PM20D2: variants seen among roughly 807,000 people sequenced by gnomAD.
The protein encoded by PM20D2 is xaa-Arg dipeptidase.
In PM20D2, 33 loss-of-function variants were observed where a neutral mutation model predicts 42.9. The observed-to-expected ratio is 0.77, with a 90% CI of 0.58 to 1.03. The LOEUF (loss-of-function observed/expected upper bound fraction) is 1.03. Among genes scored for constraint, PM20D2 ranks in the 50% least tolerant of loss-of-function variants. PM20D2 has a pLI of 0.00. For synonymous variants in PM20D2, 250 were observed against 228.2 expected, an observed-to-expected ratio of 1.10 and a Z score of -0.86; for missense variants, 548 against 557.0, an observed-to-expected ratio of 0.98 and a Z score of 0.16.
chr6:89,130,508 A>G, the PM20D2 span, among the ~76,000 whole-genome samples: 1 of 152,358 alleles, frequency 6.6e-6, no homozygotes, highest in Admixed American at 6.5e-5. Context: ...CAATCTAGAT[A>G]TAAAACACCT....
chr6:89,096,663 G>C, the PM20D2 span: 1 of 152,048 alleles, frequency 6.6e-6, no homozygotes, highest in Non-Finnish European at 1.5e-5. Context: ...ATGGTACCTA[G>C]TTATTATTAT....
chr6:89,153,228 T>TAGTTCAGTGC, intron 3 of PM20D2, 43 bp downstream of exon 3: 2 of 1,462,102 alleles, frequency 1.4e-6, no homozygotes, highest in South Asian at 2.9e-5. Context: ...GTGCTTGCTA[T>TAGTTCAGTGC]AGTTCAGTGC....
chr6:89,111,482 A>G, the PM20D2 span, among the ~76,000 whole-genome samples: 5 of 152,166 alleles, frequency 3.3e-5, no homozygotes, highest in Non-Finnish European at 5.9e-5. Context: ...ATAGAAATAA[A>G]GTTTTTGTAA....
At chr6:89,096,262 C>A in the PM20D2 span, 1 of 152,182 alleles carries the variant, frequency 6.6e-6, no homozygotes, top group Non-Finnish European at 1.5e-5. Flanking sequence ...GACTCTGAAG[C>A]CCAGTCACTC....
the PM20D2 span, among the ~76,000 whole-genome samples, chr6:89,118,386 A>C: frequency 2.6e-5 from 4 of 152,236 alleles, no homozygotes; most frequent in African/African-American, 9.6e-5. Context: ...CGCGGCCCTC[A>C]GCGCATCGTC....
upstream of PM20D2, among the ~76,000 whole-genome samples, chr6:89,142,162 A>G (rs1770340408): frequency 1.3e-5 from 2 of 152,004 alleles, no homozygotes; most frequent in African/African-American, 2.4e-5. Flanking sequence ...CACTTCCTCT[A>G]TGTCCCTTCA....
At chr6:89,159,905 A>G (rs980540010) in intron 5 of PM20D2, among the ~76,000 whole-genome samples, 5 of 152,208 alleles carry the variant, frequency 3.3e-5, no homozygotes, top group African/African-American at 9.6e-5. Context: ...GTCTAGCTGA[A>G]GAAGGGAAGA....
At chr6:89,130,050 TAA>T in the PM20D2 span, among the ~76,000 whole-genome samples, 27 of 149,130 alleles carry the variant, frequency 1.8e-4, no homozygotes, top group South Asian at 1.9e-3. Flanking sequence ...TCTTCTAAAT[TAA>T]AAAAAAAAAG....
At chr6:89,099,403 CATATATATATACATATATATATGTGTGT>C in the PM20D2 span, among the ~76,000 whole-genome samples, 602 of 88,322 alleles carry the variant, frequency 6.8e-3, no homozygotes, top group Non-Finnish European at 0.011. Flanking sequence ...TCTCTCTCTC[CATATATATATACATATATATATGTGTGT>C]ATATATATAC....
chr6:89,161,681 C>T, intron 5 of PM20D2, 102 bp from the exon 6 acceptor site: 1 of 871,190 alleles, frequency 1.1e-6, no homozygotes, highest in East Asian at 2.5e-5. Flanking sequence ...CCAAGAAGCT[C>T]ACTTCTCTGC....
the PM20D2 span, among the ~76,000 whole-genome samples, chr6:89,130,563 C>T: frequency 6.6e-6 from 1 of 152,160 alleles, no homozygotes; most frequent in Non-Finnish European, 1.5e-5. Context: ...AGTCAGTCTT[C>T]ACTTCTGAAG....
chr6:89,110,448 G>A, the PM20D2 span, among the ~76,000 whole-genome samples: 2 of 152,182 alleles, frequency 1.3e-5, no homozygotes, highest in African/African-American at 2.4e-5. Context: ...CAGTCTGGTG[G>A]AGGGAGGCGA....
chr6:89,107,018 T>A, the PM20D2 span: 5 of 943,854 alleles, frequency 5.3e-6, no homozygotes, highest in Non-Finnish European at 8.3e-6. Flanking sequence ...TGTGGACTGC[T>A]TTAGATCTTC....
the PM20D2 span, among the ~76,000 whole-genome samples, chr6:89,124,259 A>C: frequency 6.6e-6 from 1 of 152,134 alleles, no homozygotes; most frequent in Non-Finnish European, 1.5e-5. Context: ...AAATAAAAAC[A>C]AAGTAGCTGG....
the PM20D2 span, among the ~76,000 whole-genome samples, chr6:89,100,046 T>G: frequency 6.6e-6 from 1 of 152,128 alleles, no homozygotes; most frequent in Non-Finnish European, 1.5e-5. Flanking sequence ...AATTCAGGGC[T>G]ACCAAAATGG....
the PM20D2 span, among the ~76,000 whole-genome samples, chr6:89,102,008 A>AG: frequency 6.6e-6 from 1 of 151,882 alleles, no homozygotes; most frequent in Non-Finnish European, 1.5e-5. Flanking sequence ...GAGCTGAAAG[A>AG]GGAAAAAAAG....
chr6:89,146,077 G>A lies in PM20D2; in HGVS notation c.-68G>A. On this transcript the variant is annotated 5_prime_UTR_variant, in exon 1 of 7. Transcript: ENST00000275072. ...GTCCTGGAGGCCTCTGGGCGCGTGC[G>A]CGGGCGGTCGCTACCTGCGGCCGAG... 1 of 1,314,072 alleles carries A rather than the reference G, an allele frequency of 7.6e-7. No individual in the cohort carries two copies. Among genetic ancestry groups the A allele is most frequent in the African/African-American group, 1.6e-5 (1 of 64,458 alleles). 81.4% of individuals were successfully genotyped at this position (1,314,072 alleles called of 1,614,324 possible).
chr6:89,106,528 A>G, the PM20D2 span, among the ~76,000 whole-genome samples: 1 of 152,236 alleles, frequency 6.6e-6, no homozygotes, highest in Non-Finnish European at 1.5e-5. Flanking sequence ...TTCCTTATGT[A>G]TATAAATTAT....
the PM20D2 span, among the ~76,000 whole-genome samples, chr6:89,132,284 G>A: frequency 2.6e-5 from 4 of 151,766 alleles, no homozygotes; most frequent in African/African-American, 7.3e-5. Flanking sequence ...AGAATGGGCC[G>A]TTCCCTTCCC....
Sources: gnomAD v4.1 joint callset for allele counts (sites outside exome capture counted in the v4.1 genomes callset) on GRCh38, gnomAD v4.1.1 for gene constraint, MANE v1.5 for transcripts, NCBI Gene and HGNC (gene_info 2026-07-23, HGNC 2026-07-21) for gene names.